Variants in CEACAM8 observed in about 807,000 individuals in gnomAD.
CEACAM8 encodes the protein cell adhesion molecule CEACAM8.
A neutral mutation model predicts 33.4 loss-of-function variants in CEACAM8; 31 were observed. The observed-to-expected ratio is 0.93, with a 90% CI of 0.70 to 1.25. CEACAM8 has a LOEUF of 1.25. Ranked by LOEUF, CEACAM8 falls within the 50% of genes most tolerant of loss-of-function variation. The probability of loss-of-function intolerance (pLI) is 0.00; values close to 1 mark genes in which losing one functional copy is unlikely to be tolerated. For missense variants in CEACAM8, 388 were observed against 434.6 expected (o/e 0.89, Z 0.95); for synonymous variants, 138 against 164.5 (o/e 0.84, Z 1.23).
rs748589812 is a variant in CEACAM8 at position 42,580,519 on chromosome 19, G to A, written c.*875C>T. On this transcript the variant is annotated 3_prime_UTR_variant, in exon 6 of 6. Transcript: ENST00000244336. ...AATATAACATCCCAATCAAAGCCTTGGTAATATAACCAATGTTTTAAACTA... is the reference window on the plus strand; with the variant it reads ...AATATAACATCCCAATCAAAGCCTTAGTAATATAACCAATGTTTTAAACTA... The A allele has an allele frequency of 3.9e-5, 6 of 152,010 alleles. No homozygotes were observed. Among genetic ancestry groups the A allele is most frequent in the African/African-American group, 9.7e-5 (4 of 41,362 alleles). The allele number at this position is 152,010 out of a possible 1,614,324, so 9.4% of individuals were successfully genotyped here.
Position 42,588,861 on chromosome 19 carries a change from C to A in CEACAM8, c.881G>T (p.Ser294Ile). 1 of 1,614,152 alleles carries A rather than the reference C, an allele frequency of 6.2e-7. No homozygotes were observed. The highest frequency in any genetic ancestry group is 8.5e-7 in the Non-Finnish European group (1 of 1,180,030). The change falls in exon 4 of 6, where the codon AGC (serine) becomes ATC (isoleucine). Residue 294 changes from serine (S) to isoleucine (I), a missense_variant. Physicochemically the swap from Ser to Ile is moderately radical, Grantham distance 142 (BLOSUM62 -2). Transcript: ENST00000244336. The part of the protein sequence containing the change: ...LFIPNITTKN[S>I]GSYACHTTNS... ...AGTGGTGTGGCAGGCATAGGATCCG[C>A]TGTTCTTTGTAGTGATGTTGGGGAT...
chr19:42,581,574 G>C (rs2042256958), intron 5 of CEACAM8, among the ~76,000 whole-genome samples: 2 of 152,030 alleles, frequency 1.3e-5, no homozygotes, highest in Admixed American at 6.6e-5. Context: ...CTTATCAATT[G>C]ACAATGCTTT....
chr19:42,589,752 G>A lies in CEACAM8; in HGVS notation c.425-17C>T, dbSNP rs1464188821. 1 of 1,614,066 alleles carries A rather than the reference G, an allele frequency of 6.2e-7. No homozygotes were observed. Among genetic ancestry groups the A allele is most frequent in the Non-Finnish European group, 8.5e-7 (1 of 1,180,026 alleles). ...GAGTCTCCGCTGTGCAGAAAACAGA[G>A]AGAAGATTGCCCTGTGTGGCACCTT... is the stretch of plus-strand genomic sequence containing the variant. On this transcript the variant is annotated splice_polypyrimidine_tract_variant and intron_variant, in intron 2 of 5. Transcript: ENST00000244336.
At chr19:42,591,502 T>C (rs1299503368) in intron 2 of CEACAM8, among the ~76,000 whole-genome samples, 4 of 152,214 alleles carry the variant, frequency 2.6e-5, no homozygotes, top group African/African-American at 9.6e-5. Context: ...TTTAGAAAGC[T>C]TCCTGCCCCT....
intron 4 of CEACAM8, among the ~76,000 whole-genome samples, chr19:42,586,536 A>G (rs147772343): frequency 1.2e-3 from 190 of 152,356 alleles, no homozygotes; most frequent in African/African-American, 4.4e-3. Context: ...AAATCCATGC[A>G]GAAAGATGAG....
At chr19:42,582,637 T>A (rs569145943) in intron 5 of CEACAM8, among the ~76,000 whole-genome samples, 1 of 152,234 alleles carries the variant, frequency 6.6e-6, no homozygotes, top group African/African-American at 2.4e-5. Context: ...GAACTAAGAA[T>A]TCTATGTGTA....
At chr19:42,581,571 A>G (rs1023515114) in intron 5 of CEACAM8, among the ~76,000 whole-genome samples, 2 of 152,152 alleles carry the variant, frequency 1.3e-5, no homozygotes, top group Non-Finnish European at 2.9e-5. Context: ...CCACTTATCA[A>G]TTGACAATGC....
rs1270916100 is a variant in CEACAM8, at chr19:42,593,510, C to T, written c.424+31G>A. ...GTGTGTGGGAAGTAGAACTGACCCCCAACACCCAGAGGTCATGGGGAATCA... is the reference window on the plus strand; with the variant it reads ...GTGTGTGGGAAGTAGAACTGACCCCTAACACCCAGAGGTCATGGGGAATCA... On this transcript the variant is annotated intron_variant, in intron 2 of 5. Coordinates refer to ENST00000244336, the MANE Select transcript of CEACAM8 (RefSeq NM_001816.4). 26 of 1,539,186 alleles carry T rather than the reference C, an allele frequency of 1.7e-5. No homozygotes were observed. In the Middle Eastern group the frequency reaches 2.5e-3, roughly 146 times the overall value.
chr19:42,591,403 C>T (rs370435620), intron 2 of CEACAM8, among the ~76,000 whole-genome samples: 1 of 152,092 alleles, frequency 6.6e-6, no homozygotes, highest in African/African-American at 2.4e-5. Context: ...AGGACAGAAC[C>T]GGTCAGAGAG....
intron 5 of CEACAM8, among the ~76,000 whole-genome samples, chr19:42,581,907 A>T: frequency 1.0e-5 from 1 of 97,586 alleles, no homozygotes; most frequent in South Asian, 3.9e-4. Flanking sequence ...AAAAAAAAAA[A>T]AAAAAAAAAA....
chr19:42,588,615 G>T (rs575021897), intron 4 of CEACAM8, among the ~76,000 whole-genome samples, 169 bp downstream of exon 4: 40 of 152,274 alleles, frequency 2.6e-4, no homozygotes, highest in African/African-American at 9.4e-4. Flanking sequence ...AGAAAAACAG[G>T]CAGAAGAGAG....
At chr19:42,592,557 C>T (rs2042461382) in intron 2 of CEACAM8, among the ~76,000 whole-genome samples, 1 of 138,240 alleles carries the variant, frequency 7.2e-6, no homozygotes, top group Non-Finnish European at 1.5e-5. Context: ...GAGCTGAGAT[C>T]GCACCACTGC....
chr19:42,594,446 C>T (rs2042508597), intron 1 of CEACAM8, among the ~76,000 whole-genome samples: 1 of 152,164 alleles, frequency 6.6e-6, no homozygotes, highest in Non-Finnish European at 1.5e-5. Context: ...ACATTGTTGG[C>T]TGAGGACAAT....
chr19:42,594,919 TC>T lies in CEACAM8; in HGVS notation c.-92del. ...CGGCTGTCAGCTGTGCTGTCCTTCCTCCTTTTGTGCTGAGCCTCTTCCCGGG... is the reference window on the plus strand; with the variant it reads ...CGGCTGTCAGCTGTGCTGTCCTTCCTCTTTTGTGCTGAGCCTCTTCCCGGG... On this transcript the variant is annotated 5_prime_UTR_variant, in exon 1 of 6. Transcript: ENST00000244336. The T allele has an allele frequency of 7.0e-7, 1 of 1,429,384 alleles. No individual in the cohort carries two copies. Among genetic ancestry groups the T allele is most frequent in the Non-Finnish European group, 9.5e-7 (1 of 1,052,918 alleles). The allele number at this position is 1,429,384 out of a possible 1,614,324, so 88.5% of individuals were successfully genotyped here. A position where few individuals can be genotyped will look rare whatever the true frequency, so the allele number is the denominator to read the frequency against.
intron 2 of CEACAM8, among the ~76,000 whole-genome samples, chr19:42,590,656 AT>A (rs2042421664): frequency 6.6e-6 from 1 of 152,184 alleles, no homozygotes; most frequent in Non-Finnish European, 1.5e-5. Context: ...ACTGGACATT[AT>A]ACAGAGTGAA....
intron 4 of CEACAM8, among the ~76,000 whole-genome samples, chr19:42,585,311 C>T (rs1186688958): frequency 1.1e-5 from 1 of 87,310 alleles, no homozygotes; most frequent in African/African-American, 6.7e-5. Flanking sequence ...TTCTCTCTCT[C>T]TCAAAAAAAA....
Position 42,593,916 on chromosome 19 carries a change from A to C in CEACAM8, c.65-16T>G. 5 of 1,555,660 alleles carry C rather than the reference A, an allele frequency of 3.2e-6. No homozygotes were observed. The highest frequency in any genetic ancestry group is 3.5e-6 in the Non-Finnish European group (4 of 1,151,324). ...AAAAGTGAGGCTAGGAGGGGGAGAG[A>C]GCATCAAGCAATATTGCAACATATG... is the stretch of plus-strand genomic sequence containing the variant. On this transcript the variant is annotated splice_polypyrimidine_tract_variant and intron_variant, in intron 1 of 5. Coordinates refer to ENST00000244336, the MANE Select transcript of CEACAM8 (RefSeq NM_001816.4).
chr19:42,588,760 C>A, intron 4 of CEACAM8, 24 bp downstream of exon 4: 1 of 1,612,342 alleles, frequency 6.2e-7, no homozygotes, highest in East Asian at 2.2e-5. Context: ...AAACATACTG[C>A]CAGTGCTCCA....
At chr19:42,591,987 A>C (rs1241406251) in intron 2 of CEACAM8, among the ~76,000 whole-genome samples, 4 of 152,116 alleles carry the variant, frequency 2.6e-5, no homozygotes, top group African/African-American at 4.8e-5. Context: ...GGGGGTTAGG[A>C]TCTTAGAGGG....
Sources: gnomAD v4.1 joint callset for allele counts (sites outside exome capture counted in the v4.1 genomes callset) on GRCh38, gnomAD v4.1.1 for gene constraint, MANE v1.5 for transcripts, NCBI Gene and HGNC (gene_info 2026-07-23, HGNC 2026-07-21) for gene names.